The following NTN4 variants were observed in gnomAD, a reference collection of about 807,000 sequenced individuals.
NTN4 encodes netrin 4.
Under a neutral mutation model 73.6 loss-of-function variants are expected in NTN4, and 32 were observed. The ratio of observed to expected loss-of-function variants is 0.44; its 90% CI spans 0.33 to 0.58. The LOEUF is 0.58. NTN4 is among the 20% of genes least tolerant of loss of function. The pLI, the probability that NTN4 is intolerant of heterozygous loss-of-function variation, is 0.04. For synonymous variants in NTN4, 258 were observed against 287.5 expected, an observed-to-expected ratio of 0.90 and a Z score of 1.04; for missense variants, 654 against 798.3, an observed-to-expected ratio of 0.82 and a Z score of 2.18.
intron 2 of NTN4, among the ~76,000 whole-genome samples, chr12:95,761,486 A>T (rs534631307): frequency 3.3e-5 from 5 of 152,032 alleles, no homozygotes; most frequent in African/African-American, 1.2e-4. Context: ...ACTCGTCACC[A>T]TGCCCAGCTA....
At chr12:95,679,026 C>A (rs372266793) in intron 7 of NTN4, among the ~76,000 whole-genome samples, 1 of 152,006 alleles carries the variant, frequency 6.6e-6, no homozygotes, top group Admixed American at 6.6e-5. Flanking sequence ...TATTGAAAGG[C>A]CTTAAAGAGC....
intron 2 of NTN4, among the ~76,000 whole-genome samples, chr12:95,773,386 C>A (rs11108257): frequency 0.21 from 31,604 of 152,154 alleles, 4,112 homozygotes; most frequent in Non-Finnish European, 0.29. Flanking sequence ...CAAATTGGGG[C>A]TCCTTTGAGG....
At chr12:95,763,290 CA>C (rs1333863628) in intron 2 of NTN4, among the ~76,000 whole-genome samples, 3 of 150,808 alleles carry the variant, frequency 2.0e-5, no homozygotes, top group Non-Finnish European at 3.0e-5. Context: ...TCAAATTTCT[CA>C]ATGCAAGAAG....
chr12:95,709,359 G>A (rs1399463512), intron 5 of NTN4, among the ~76,000 whole-genome samples: 1 of 152,048 alleles, frequency 6.6e-6, no homozygotes, highest in African/African-American at 2.4e-5. Flanking sequence ...ATACTGATGT[G>A]GTTAGATGAG....
intron 2 of NTN4, among the ~76,000 whole-genome samples, chr12:95,778,032 G>A (rs1449448979): frequency 6.6e-6 from 1 of 152,086 alleles, no homozygotes; most frequent in Non-Finnish European, 1.5e-5. Flanking sequence ...CAACTACATG[G>A]AAACTGAACA....
Position 95,659,071 on chromosome 12 carries a change from C to T in NTN4, c.*15G>A. 6.2e-7 allele frequency: 1 copy of T among 1,603,984 alleles called. No individual in the cohort carries two copies. The highest frequency in any genetic ancestry group is 8.5e-7 in the Non-Finnish European group (1 of 1,176,504). On this transcript the variant is annotated 3_prime_UTR_variant, in exon 10 of 10. Transcript: ENST00000343702. ...GTACATAGACAAGTGCCATTATGTGCTATCCATCTTAATGCTACTTGCACT... is the reference window on the plus strand; with the variant it reads ...GTACATAGACAAGTGCCATTATGTGTTATCCATCTTAATGCTACTTGCACT...
Position 95,738,023 on chromosome 12 carries a change from CAG to C in NTN4, c.705_706del (p.Cys236SerfsTer4), listed in dbSNP as rs866840311. 1.2e-6 allele frequency: 2 copies of C among 1,614,016 alleles called. No individual in the cohort carries two copies. The highest frequency in any genetic ancestry group is 2.7e-5 in the African/African-American group (2 of 74,914). On this transcript the variant is annotated frameshift_variant, in exon 3 of 10. Transcript: ENST00000343702. LOFTEE classifies it high-confidence loss of function. ...CTCTTCGTTCAGGTCATTTCTCTGA[CAG>C]GGACAAGACTGTCGTTTCAGCAGCT...
rs757811393 is a variant in NTN4, at chr12:95,713,195, G to A, written c.991+17C>T. 158 of 1,607,218 alleles carry A rather than the reference G, an allele frequency of 9.8e-5. 1 individual carries two copies. In the South Asian group the frequency reaches 1.4e-3, roughly 15 times the overall value. On this transcript the variant is annotated intron_variant, in intron 4 of 9. Coordinates refer to ENST00000343702, the MANE Select transcript of NTN4 (RefSeq NM_021229.4). ...TTTACAAAGAAAGCTTTTGAGTATC[G>A]TGGGCTTGTTACTTACTTCTGCACT...
chr12:95,780,078 G>T (rs917210940), intron 2 of NTN4, among the ~76,000 whole-genome samples: 4 of 152,100 alleles, frequency 2.6e-5, no homozygotes, highest in African/African-American at 4.8e-5. Flanking sequence ...AAATGGTGCT[G>T]GGAAAACTGG....
intron 3 of NTN4, among the ~76,000 whole-genome samples, chr12:95,718,020 A>C (rs1211130725): frequency 6.6e-6 from 1 of 152,228 alleles, no homozygotes; most frequent in Admixed American, 6.5e-5. Context: ...CATTTTTAGC[A>C]CATTTATCTT....
At chr12:95,780,798 C>T (rs1029963697) in intron 2 of NTN4, among the ~76,000 whole-genome samples, 2 of 152,160 alleles carry the variant, frequency 1.3e-5, no homozygotes, top group African/African-American at 4.8e-5. Flanking sequence ...ATCCCTTTAC[C>T]GGGTATATAC....
At chr12:95,699,797 A>G (rs1292974766) in intron 5 of NTN4, among the ~76,000 whole-genome samples, 2 of 152,158 alleles carry the variant, frequency 1.3e-5, no homozygotes, top group Non-Finnish European at 2.9e-5. Context: ...AGGGCAATTG[A>G]CTACATTTAT....
chr12:95,731,542 A>G (rs1254976668), intron 3 of NTN4, among the ~76,000 whole-genome samples: 2 of 152,148 alleles, frequency 1.3e-5, no homozygotes, highest in Non-Finnish European at 2.9e-5. Flanking sequence ...CAACAGAGTG[A>G]GACTCTGTCT....
At chr12:95,771,005 T>TTC (rs1337157654) in intron 2 of NTN4, among the ~76,000 whole-genome samples, 8 of 148,010 alleles carry the variant, frequency 5.4e-5, no homozygotes, top group African/African-American at 1.8e-4. Context: ...TTTTTTTTTT[T>TTC]TTGAGACAGA....
intron 5 of NTN4, among the ~76,000 whole-genome samples, chr12:95,685,822 C>T (rs1038917677): frequency 6.6e-6 from 1 of 151,960 alleles, no homozygotes; most frequent in East Asian, 1.9e-4. Context: ...GTGTGCAAAG[C>T]AGTTAGTGTG....
At chr12:95,730,802 A>G (rs1166558534) in intron 3 of NTN4, among the ~76,000 whole-genome samples, 1 of 152,240 alleles carries the variant, frequency 6.6e-6, no homozygotes, top group African/African-American at 2.4e-5. Flanking sequence ...CACTAATTGT[A>G]TCAAATTGGC....
rs200381175 is a variant in NTN4 at position 95,683,550 on chromosome 12, G to A, written c.1342C>T (p.Pro448Ser). The A allele has an allele frequency of 1.7e-5, 27 of 1,614,182 alleles. No homozygotes were observed. The African/African-American group carries it at 3.6e-4, about 22-fold the overall frequency. ...TCACAGCTCCCCGCACAGTCACATGGTCGACAGCCATAGTCTCCGAAGCCC... is the reference window on the plus strand; with the variant it reads ...TCACAGCTCCCCGCACAGTCACATGATCGACAGCCATAGTCTCCGAAGCCC... ...YWGFGDYGCR[P>S]CDCAGSCDPI... The change falls in exon 6 of 10, where the codon CCA becomes TCA. Residue 448 changes from proline to serine, a missense_variant. Transcript: ENST00000343702.
intron 4 of NTN4, 112 bp downstream of exon 4, chr12:95,713,100 T>G (rs1592680248): frequency 7.7e-7 from 1 of 1,294,038 alleles, no homozygotes. Context: ...TTGTGTAGGG[T>G]CTAGTGTTTG....
intron 5 of NTN4, among the ~76,000 whole-genome samples, chr12:95,704,329 A>G (rs1216612358): frequency 6.6e-6 from 1 of 152,194 alleles, no homozygotes; most frequent in Non-Finnish European, 1.5e-5. Context: ...TTTTTAAAAT[A>G]TCAACTTGTT....
Sources: gnomAD v4.1 joint callset for allele counts (sites outside exome capture counted in the v4.1 genomes callset) on GRCh38, gnomAD v4.1.1 for gene constraint, MANE v1.5 for transcripts, NCBI Gene and HGNC (gene_info 2026-07-23, HGNC 2026-07-21) for gene names.